VPS41: variants seen among roughly 807,000 people sequenced by gnomAD.
The protein encoded by VPS41 is VPS41 subunit of HOPS complex.
Under a neutral mutation model 130.9 loss-of-function variants are expected in VPS41, and 85 were observed. The observed-to-expected ratio is 0.65, with a 90% CI of 0.55 to 0.78. The LOEUF (loss-of-function observed/expected upper bound fraction) is 0.78, where lower values mean the gene tolerates loss of function less well. VPS41 is among the 30% of genes least tolerant of loss of function. The pLI is 0.00. For synonymous variants in VPS41, 335 were observed against 332.9 expected (o/e 1.01, Z -0.07); for missense variants, 874 against 1,018.7 (o/e 0.86, Z 1.93).
intron 25 of VPS41, among the ~76,000 whole-genome samples, chr7:38,740,002 CT>C (rs1795851190): frequency 6.6e-6 from 1 of 152,130 alleles, no homozygotes; most frequent in South Asian, 2.1e-4. Flanking sequence ...TGAATGAACA[CT>C]GAGATCACAG....
At chr7:38,898,039 G>A in intron 2 of VPS41, 52 bp downstream of exon 2, 1 of 1,563,838 alleles carries the variant, frequency 6.4e-7, no homozygotes, top group Admixed American at 1.7e-5. Context: ...CGCAACTCAA[G>A]AGAACAACGT....
In VPS41 at chr7:38,898,080, C is replaced by A; in HGVS notation, c.60+11G>T. 1 of 1,613,372 alleles carries A rather than the reference C, an allele frequency of 6.2e-7. No individual in the cohort carries two copies. Among genetic ancestry groups the A allele is most frequent in the South Asian group, 1.1e-5 (1 of 91,022 alleles). On this transcript the variant is annotated intron_variant, in intron 2 of 28. Transcript: ENST00000310301. ...GCTACAAATCCGAGGGCTCCTGAGT[C>A]ACCACCTTACCTCAGACTCATCTGT...
At chr7:38,875,093 C>T (rs1266675967) in intron 2 of VPS41, among the ~76,000 whole-genome samples, 1 of 152,014 alleles carries the variant, frequency 6.6e-6, no homozygotes, top group Non-Finnish European at 1.5e-5. Flanking sequence ...AAAATTAATA[C>T]AATCAATCAA....
Position 38,796,802 on chromosome 7 carries a change from T to C in VPS41, c.513A>G (p.Glu171=). 6.2e-7 allele frequency: 1 copy of C among 1,614,042 alleles called. No homozygotes were observed. ...TCCACTTCACACTCCTTATGTTCCCTTCCCCTTCATGCAGAACAGCAGACT... is the reference window on the plus strand; with the variant it reads ...TCCACTTCACACTCCTTATGTTCCCCTCCCCTTCATGCAGAACAGCAGACT... ...RWKSAVLHEG[E]GNIRSVKWRG... The change falls in exon 8 of 29, where the codon GAA becomes GAG. Residue 171 remains glutamate (E), a synonymous_variant. Coordinates refer to ENST00000310301, the MANE Select transcript of VPS41 (RefSeq NM_014396.4).
At chr7:38,737,734 G>GTGA (rs1795797969) in intron 25 of VPS41, among the ~76,000 whole-genome samples, 10 of 152,184 alleles carry the variant, frequency 6.6e-5, no homozygotes, top group African/African-American at 2.4e-4. Context: ...TTCCATCACA[G>GTGA]TGGAAACTCC....
At chr7:38,839,200 A>G (rs1785557503) in intron 4 of VPS41, among the ~76,000 whole-genome samples, 1 of 152,218 alleles carries the variant, frequency 6.6e-6, no homozygotes, top group Non-Finnish European at 1.5e-5. Flanking sequence ...ATGTGTGAAA[A>G]GCAAACGTCT....
chr7:38,728,875 A>G (rs1795602478), intron 25 of VPS41, 84 bp from the exon 26 acceptor site: 4 of 1,221,086 alleles, frequency 3.3e-6, no homozygotes, highest in East Asian at 2.4e-5. Context: ...GGGATTCCAA[A>G]AGCTGGCATG....
intron 4 of VPS41, among the ~76,000 whole-genome samples, chr7:38,853,854 A>G (rs1785920393): frequency 6.6e-6 from 1 of 152,242 alleles, no homozygotes; most frequent in Admixed American, 6.5e-5. Flanking sequence ...AAATGTAGTT[A>G]CCACTGAAGG....
intron 10 of VPS41, among the ~76,000 whole-genome samples, chr7:38,785,366 G>A (rs1784420692): frequency 6.6e-6 from 1 of 152,188 alleles, no homozygotes; most frequent in African/African-American, 2.4e-5. Flanking sequence ...ATGGCTAATG[G>A]ACAAAATAAC....
In VPS41 at chr7:38,743,524, C is replaced by T. The variant is rs367739872; in HGVS notation, c.2000G>A (p.Arg667Gln). 45 of 1,613,642 alleles carry T rather than the reference C, an allele frequency of 2.8e-5. No homozygotes were observed. The highest frequency in any genetic ancestry group is 4.0e-5 in the African/African-American group (3 of 74,880). Residue 667 changes from arginine to glutamine, a missense_variant, in exon 24 of 29, where the codon CGA (arginine) becomes CAA (glutamine). Arg to Gln is a conservative substitution (Grantham distance 43). Transcript: ENST00000310301. ...CTCCATAATCATCTTCAGGGCACTT[C>T]GGCTATTACCCATTCGGCCTTGGTG... ...VYLLSRMGNSRSALKMIMEEL... is the reference protein window; with the variant it reads ...VYLLSRMGNSQSALKMIMEEL...
intron 9 of VPS41, 113 bp downstream of exon 9, chr7:38,795,352 C>A: frequency 1.3e-6 from 1 of 795,708 alleles, no homozygotes; most frequent in Non-Finnish European, 1.9e-6. Flanking sequence ...GTCACAATAA[C>A]ATCCAAGTGA....
chr7:38,771,039 A>G (rs999256709), intron 14 of VPS41, among the ~76,000 whole-genome samples, 159 bp downstream of exon 14: 2 of 152,192 alleles, frequency 1.3e-5, no homozygotes, highest in Non-Finnish European at 2.9e-5. Context: ...ACAAGCAGAA[A>G]CTGATTTGAT....
intron 22 of VPS41, among the ~76,000 whole-genome samples, chr7:38,748,148 T>C (rs1042424726): frequency 5.9e-5 from 9 of 152,216 alleles, no homozygotes; most frequent in African/African-American, 2.2e-4. Context: ...TCCTGGACCA[T>C]GGTGCTCCCT....
chr7:38,828,698 T>C (rs1785327818), intron 5 of VPS41, among the ~76,000 whole-genome samples: 1 of 152,100 alleles, frequency 6.6e-6, no homozygotes, highest in Admixed American at 6.5e-5. Context: ...TTAATAAAAA[T>C]ACGGGAAGAT....
chr7:38,776,712 TACA>T lies in VPS41; in HGVS notation c.846_848del (p.Val283del), dbSNP rs1370994210. On this transcript the variant is annotated inframe_deletion, in exon 11 of 29. Coordinates refer to ENST00000310301, the MANE Select transcript of VPS41 (RefSeq NM_014396.4). Reference sequence around the variant, plus strand: ...CTGAAATCTCCTTTACATACGAAAGTACAACAAGCTGATCACAGAGAGGTGCAA... The same window carrying T: ...CTGAAATCTCCTTTACATACGAAAGTACAAGCTGATCACAGAGAGGTGCAA... The T allele has an allele frequency of 1.7e-5, 28 of 1,611,554 alleles. No individual in the cohort carries two copies. The highest frequency in any genetic ancestry group is 2.3e-5 in the Non-Finnish European group (27 of 1,177,948).
chr7:38,876,439 G>A (rs1162534334), intron 2 of VPS41, among the ~76,000 whole-genome samples: 1 of 152,104 alleles, frequency 6.6e-6, no homozygotes, highest in East Asian at 1.9e-4. Flanking sequence ...CACCAATATA[G>A]TAATTTCCCT....
intron 25 of VPS41, among the ~76,000 whole-genome samples, chr7:38,738,536 G>A (rs1371576744): frequency 6.6e-6 from 1 of 152,062 alleles, no homozygotes; most frequent in East Asian, 1.9e-4. Flanking sequence ...GGACATAAAC[G>A]CTCAACAACT....
At chr7:38,744,095 T>C (rs1795939408) in intron 23 of VPS41, among the ~76,000 whole-genome samples, 1 of 152,226 alleles carries the variant, frequency 6.6e-6, no homozygotes, top group African/African-American at 2.4e-5. Context: ...CTTCCTCATT[T>C]TCTTCTCTCC....
chr7:38,821,204 T>G lies in VPS41; in HGVS notation c.383A>C (p.Lys128Thr). The change falls in exon 6 of 29, where the codon AAA becomes ACA. Residue 128 changes from lysine (K) to threonine (T), a missense_variant and splice_region_variant. Coordinates refer to ENST00000310301, the MANE Select transcript of VPS41 (RefSeq NM_014396.4). ...EFHETFDCPI[K>T]IIAVHPHFVR... ...AAGTAAAACTTGCTGAATACTTACT[T>G]TAATGGGACAGTCAAAAGTCTCGTG... The G allele has an allele frequency of 6.2e-7, 1 of 1,613,274 alleles. No homozygotes were observed. Among genetic ancestry groups the G allele is most frequent in the Non-Finnish European group, 8.5e-7 (1 of 1,179,404 alleles).
Sources: gnomAD v4.1 joint callset for allele counts (sites outside exome capture counted in the v4.1 genomes callset) on GRCh38, gnomAD v4.1.1 for gene constraint, MANE v1.5 for transcripts, NCBI Gene and HGNC (gene_info 2026-07-23, HGNC 2026-07-21) for gene names.